ANO2: variants seen among roughly 807,000 people sequenced by gnomAD.
ANO2 encodes anoctamin 2, also known as anoctamin-2.
Under a neutral mutation model 124.2 loss-of-function variants are expected in ANO2, and 101 were observed. That is an observed-to-expected ratio of 0.81 (90% CI 0.69 to 0.96). The LOEUF (loss-of-function observed/expected upper bound fraction) is 0.96. ANO2 is among the 40% of genes least tolerant of loss of function. The probability of loss-of-function intolerance (pLI) is 0.00; values close to 1 mark genes in which losing one functional copy is unlikely to be tolerated. For synonymous variants in ANO2, 486 were observed against 482.5 expected, an observed-to-expected ratio of 1.01 and a Z score of -0.09; for missense variants, 1,293 against 1,274.5, an observed-to-expected ratio of 1.01 and a Z score of -0.22.
chr12:5,845,780 A>G (rs1954667545), intron 4 of ANO2, among the ~76,000 whole-genome samples: 1 of 152,122 alleles, frequency 6.6e-6, no homozygotes, highest in Non-Finnish European at 1.5e-5. Flanking sequence ...GCCCTTGGAT[A>G]AGTTTATTAA....
At chr12:5,810,693 G>C (rs147752105) in intron 7 of ANO2, among the ~76,000 whole-genome samples, 2 of 152,296 alleles carry the variant, frequency 1.3e-5, no homozygotes, top group African/African-American at 4.8e-5. Flanking sequence ...TAGCCCCTGA[G>C]GAGCCCCTTA....
intron 19 of ANO2, among the ~76,000 whole-genome samples, chr12:5,610,858 AC>A (rs1944505387): frequency 2.9e-5 from 4 of 136,790 alleles, no homozygotes; most frequent in South Asian, 2.4e-4. Context: ...ACACACACAC[AC>A]AACCCTAAGG....
At chr12:5,798,765 TG>T (rs1193499979) in intron 10 of ANO2, among the ~76,000 whole-genome samples, 1 of 152,230 alleles carries the variant, frequency 6.6e-6, no homozygotes, top group East Asian at 1.9e-4. Flanking sequence ...TAGCACTTAG[TG>T]GCCAGGCCCA....
chr12:5,573,996 C>T (rs1162757248), intron 23 of ANO2, among the ~76,000 whole-genome samples: 3 of 152,208 alleles, frequency 2.0e-5, no homozygotes, highest in Non-Finnish European at 4.4e-5. Flanking sequence ...GCCTTGGGCA[C>T]CAAGCATGGC....
At chr12:5,734,696 G>A (rs944808628) in intron 13 of ANO2, among the ~76,000 whole-genome samples, 35 of 151,230 alleles carry the variant, frequency 2.3e-4, no homozygotes, top group Non-Finnish European at 7.4e-5. Context: ...CGCCCAGGCT[G>A]GAGTGCTGTG....
chr12:5,885,762 A>G (rs1454765256), intron 3 of ANO2, among the ~76,000 whole-genome samples: 1 of 152,170 alleles, frequency 6.6e-6, no homozygotes, highest in Non-Finnish European at 1.5e-5. Context: ...AGGACTGTCC[A>G]TGGCTAATTA....
At chr12:5,577,554 G>A (rs1206718736) in intron 22 of ANO2, among the ~76,000 whole-genome samples, 1 of 152,194 alleles carries the variant, frequency 6.6e-6, no homozygotes, top group African/African-American at 2.4e-5. Context: ...ACAACCTGGA[G>A]GAACGGTAAT....
chr12:5,723,900 C>T (rs571732986), intron 14 of ANO2, among the ~76,000 whole-genome samples: 1 of 152,222 alleles, frequency 6.6e-6, no homozygotes, highest in South Asian at 2.1e-4. Context: ...AACCAACCCG[C>T]AGCTTCTCAG....
At chr12:5,808,285 T>A (rs2137176025) in intron 7 of ANO2, among the ~76,000 whole-genome samples, 1 of 152,320 alleles carries the variant, frequency 6.6e-6, no homozygotes, top group Non-Finnish European at 1.5e-5. Context: ...AATGAACAAA[T>A]GGCTCTGTCC....
intron 3 of ANO2, among the ~76,000 whole-genome samples, chr12:5,859,409 C>A (rs994929729): frequency 6.6e-6 from 1 of 152,186 alleles, no homozygotes; most frequent in Non-Finnish European, 1.5e-5. Flanking sequence ...TTCATAAAGC[C>A]CTACAAACCC....
intron 15 of ANO2, among the ~76,000 whole-genome samples, chr12:5,640,687 AC>A (rs1292229972): frequency 6.6e-6 from 1 of 152,194 alleles, no homozygotes; most frequent in East Asian, 1.9e-4. Context: ...ACCATCCCAC[AC>A]CAGTTAGAAT....
chr12:5,583,957 G>A (rs1031617613), intron 20 of ANO2: 15 of 229,324 alleles, frequency 6.5e-5, no homozygotes, highest in South Asian at 8.4e-5. Context: ...CTGAAGGCAC[G>A]GAGCACCATG....
chr12:5,891,207 A>G (rs1374902218), intron 3 of ANO2, among the ~76,000 whole-genome samples: 1 of 152,198 alleles, frequency 6.6e-6, no homozygotes, highest in Admixed American at 6.5e-5. Context: ...GAAGCCCTCT[A>G]TTTCTGGCTT....
Position 5,827,588 on chromosome 12 carries a change from A to G in ANO2, c.892+181T>C, listed in dbSNP as rs531960944. On this transcript the variant is annotated intron_variant, in intron 7 of 24. Transcript: ENST00000682330. ...ACAGCCTGGGGGCAGCCCCACTGAGAAATGGGACCCCCGCTGCTCCTGGGG... is the reference window on the plus strand; with the variant it reads ...ACAGCCTGGGGGCAGCCCCACTGAGGAATGGGACCCCCGCTGCTCCTGGGG... 1.3e-4 allele frequency: 88 copies of G among 699,596 alleles called. No individual in the cohort carries two copies. The South Asian group carries it at 1.5e-3, about 12-fold the overall frequency. 43.3% of individuals were successfully genotyped at this position (699,596 alleles called of 1,614,324 possible).
At chr12:5,620,728 T>C (rs1565484618) in intron 16 of ANO2, among the ~76,000 whole-genome samples, 1 of 152,132 alleles carries the variant, frequency 6.6e-6, no homozygotes, top group African/African-American at 2.4e-5. Context: ...GGTTTTCTCC[T>C]TCCGGTCCTG....
intron 3 of ANO2, among the ~76,000 whole-genome samples, chr12:5,866,240 G>A (rs1009994408): frequency 2.0e-5 from 3 of 152,170 alleles, no homozygotes; most frequent in Admixed American, 6.5e-5. Context: ...AGTGGCCATC[G>A]ATTCACTCCA....
intron 20 of ANO2, among the ~76,000 whole-genome samples, chr12:5,596,460 G>A (rs73040464): frequency 6.6e-6 from 1 of 152,286 alleles, no homozygotes; most frequent in South Asian, 2.1e-4. Flanking sequence ...TTGGATTTGG[G>A]AGACAGGTTC....
chr12:5,697,853 C>T (rs1217323736), intron 14 of ANO2, among the ~76,000 whole-genome samples: 1 of 152,222 alleles, frequency 6.6e-6, no homozygotes, highest in Non-Finnish European at 1.5e-5. Flanking sequence ...GAGCCTCGCT[C>T]ATTGCTAGCA....
chr12:5,599,448 C>A (rs1943820716), intron 20 of ANO2, 36 bp downstream of exon 20: 3 of 1,577,664 alleles, frequency 1.9e-6, no homozygotes, highest in Non-Finnish European at 2.6e-6. Flanking sequence ...TTGTCTGAAC[C>A]TGCCCCCAGT....
Sources: allele counts gnomAD v4.1 joint callset (sites outside exome capture counted in the v4.1 genomes callset), GRCh38; gene constraint gnomAD v4.1.1; transcripts MANE v1.5; gene names NCBI Gene and HGNC (gene_info 2026-07-23, HGNC 2026-07-21).